The following SRBD1 variants were observed in gnomAD, a reference collection of about 807,000 sequenced individuals.
SRBD1 encodes the protein S1 RNA binding domain 1, also known as S1 RNA-binding domain-containing protein 1.
In SRBD1, 88 loss-of-function variants were observed where a neutral mutation model predicts 115.3. That is an observed-to-expected ratio of 0.76 (90% CI 0.64 to 0.91). SRBD1 has a LOEUF of 0.91. SRBD1 is among the 40% of genes least tolerant of loss of function. SRBD1 has a pLI of 0.00. For missense variants in SRBD1, 1,385 were observed against 1,177.4 expected (o/e 1.18, Z -2.58); for synonymous variants, 509 against 407.7 (o/e 1.25, Z -2.99).
intron 16 of SRBD1, among the ~76,000 whole-genome samples, chr2:45,425,605 A>G (rs1329399615): frequency 6.6e-6 from 1 of 152,000 alleles, no homozygotes; most frequent in Non-Finnish European, 1.5e-5. Flanking sequence ...TGCATTTCCA[A>G]CTGAGGTACC....
intron 14 of SRBD1, among the ~76,000 whole-genome samples, chr2:45,503,693 C>T (rs1670709935): frequency 6.6e-6 from 1 of 152,140 alleles, no homozygotes; most frequent in South Asian, 2.1e-4. Context: ...CTGTGTGAAA[C>T]ATACTTCAAC....
intron 18 of SRBD1, among the ~76,000 whole-genome samples, chr2:45,414,114 A>C (rs928325896): frequency 1.3e-5 from 2 of 152,200 alleles, no homozygotes; most frequent in African/African-American, 4.8e-5. Context: ...CAGATGTCAG[A>C]ACATAGTGGA....
At chr2:45,591,822 A>C (rs1382636780) in intron 4 of SRBD1, among the ~76,000 whole-genome samples, 1 of 152,176 alleles carries the variant, frequency 6.6e-6, no homozygotes, top group East Asian at 1.9e-4. Context: ...TACTTATTAC[A>C]CTAAAGTGTT....
chr2:45,535,229 T>C (rs1671728928), intron 14 of SRBD1, among the ~76,000 whole-genome samples: 1 of 152,024 alleles, frequency 6.6e-6, no homozygotes. Flanking sequence ...GGGAGCCACA[T>C]AACCAAATCT....
At chr2:45,450,151 T>C (rs1378480834) in intron 16 of SRBD1, among the ~76,000 whole-genome samples, 5 of 152,178 alleles carry the variant, frequency 3.3e-5, no homozygotes, top group Non-Finnish European at 5.9e-5. Flanking sequence ...GAGTGTTATA[T>C]GGAAATCAAA....
rs769594028 is a variant in SRBD1 at position 45,389,510 on chromosome 2, T to G, written c.2788A>C (p.Thr930Pro). 6.2e-7 allele frequency: 1 copy of G among 1,614,020 alleles called. No homozygotes were observed. Among genetic ancestry groups the G allele is most frequent in the South Asian group, 1.1e-5 (1 of 91,080 alleles). ...TVLTGKVENA[T>P]LFGIFVDIGV... is the part of the protein sequence containing the mutation. ...ATATCCACAAAAATTCCAAAGAGAG[T>G]GGCATTCTCAACTTTGCCTGTAAGA... Residue 930 changes from threonine to proline, a missense_variant, in exon 21 of 21, where the codon ACT becomes CCT. Transcript: ENST00000263736.
chr2:45,593,735 A>T (rs1020424088), intron 4 of SRBD1, among the ~76,000 whole-genome samples: 2 of 152,306 alleles, frequency 1.3e-5, no homozygotes, highest in Non-Finnish European at 2.9e-5. Flanking sequence ...CTCCCCTCTG[A>T]AAAGCTGTTG....
At chr2:45,465,441 C>A (rs1669457230) in intron 16 of SRBD1, among the ~76,000 whole-genome samples, 2 of 152,034 alleles carry the variant, frequency 1.3e-5, no homozygotes, top group Non-Finnish European at 2.9e-5. Flanking sequence ...CACACAGACA[C>A]ACGAATGTGA....
At chr2:45,565,808 A>T (rs1440408569) in intron 9 of SRBD1, among the ~76,000 whole-genome samples, 2 of 152,288 alleles carry the variant, frequency 1.3e-5, no homozygotes. Flanking sequence ...TTATTTTCTT[A>T]AGAGATGGGG....
At chr2:45,476,895 G>T in intron 16 of SRBD1, 98 bp downstream of exon 16, 1 of 1,068,538 alleles carries the variant, frequency 9.4e-7, no homozygotes, top group Non-Finnish European at 1.4e-6. Flanking sequence ...CTTGAAAATG[G>T]GAATCTACTC....
chr2:45,410,732 G>A (rs1667577175), intron 19 of SRBD1, among the ~76,000 whole-genome samples: 1 of 152,158 alleles, frequency 6.6e-6, no homozygotes, highest in Non-Finnish European at 1.5e-5. Context: ...GCTGAAGGTC[G>A]AGTTGATCAC....
intron 14 of SRBD1, among the ~76,000 whole-genome samples, chr2:45,527,724 G>A (rs1401955529): frequency 6.6e-6 from 1 of 151,884 alleles, no homozygotes; most frequent in African/African-American, 2.4e-5. Flanking sequence ...GAGATGAAGA[G>A]ACACAGGGAG....
At chr2:45,396,056 A>T (rs757946296) in intron 19 of SRBD1, among the ~76,000 whole-genome samples, 3 of 152,150 alleles carry the variant, frequency 2.0e-5, no homozygotes, top group Non-Finnish European at 4.4e-5. Flanking sequence ...TATCTGTCAG[A>T]CATTGTTCTA....
chr2:45,600,244 C>A (rs1469884384), intron 3 of SRBD1, among the ~76,000 whole-genome samples: 1 of 152,010 alleles, frequency 6.6e-6, no homozygotes, highest in Non-Finnish European at 1.5e-5. Context: ...TAAATAAGAT[C>A]AGTGGATTTT....
chr2:45,501,666 C>T (rs964713431), intron 14 of SRBD1, among the ~76,000 whole-genome samples: 2 of 152,168 alleles, frequency 1.3e-5, no homozygotes, highest in African/African-American at 2.4e-5. Context: ...TCGGAGGGTC[C>T]CACACCCACA....
intron 16 of SRBD1, among the ~76,000 whole-genome samples, chr2:45,454,277 G>T (rs1225240618): frequency 2.6e-5 from 4 of 151,876 alleles, no homozygotes; most frequent in Non-Finnish European, 4.4e-5. Flanking sequence ...CTGGGAGCAT[G>T]ATTCACTTTG....
chr2:45,501,829 G>A (rs1239929048), intron 14 of SRBD1, among the ~76,000 whole-genome samples: 15 of 152,170 alleles, frequency 9.9e-5, no homozygotes. Context: ...AGCTCAAGGA[G>A]GCCTGCCTGC....
chr2:45,575,213 A>AT (rs1558488802), intron 7 of SRBD1, among the ~76,000 whole-genome samples: 1 of 152,194 alleles, frequency 6.6e-6, no homozygotes, highest in African/African-American at 2.4e-5. Context: ...ATTATGGGGC[A>AT]TTTTTTCACA....
At chr2:45,433,524 T>C (rs771283788) in intron 16 of SRBD1, among the ~76,000 whole-genome samples, 5 of 152,210 alleles carry the variant, frequency 3.3e-5, no homozygotes, top group African/African-American at 1.2e-4. Context: ...TTTCCTTTGA[T>C]TGACATGTGA....
Sources: allele counts gnomAD v4.1 joint callset (sites outside exome capture counted in the v4.1 genomes callset), GRCh38; gene constraint gnomAD v4.1.1; transcripts MANE v1.5; gene names NCBI Gene and HGNC (gene_info 2026-07-23, HGNC 2026-07-21).